The following PGM3 variants were observed in gnomAD, a reference collection of about 807,000 sequenced individuals.
PGM3 encodes phosphoglucomutase 3.
In PGM3, 40 loss-of-function variants were observed where a neutral mutation model predicts 66.2. That is an observed-to-expected ratio of 0.60 (90% CI 0.47 to 0.79). The LOEUF is 0.79. Among genes scored for constraint, PGM3 ranks in the 30% least tolerant of loss-of-function variants. The probability of loss-of-function intolerance (pLI) is 0.00; values close to 1 mark genes in which losing one functional copy is unlikely to be tolerated. For missense variants in PGM3, 537 were observed against 643.4 expected (o/e 0.83, Z 1.79); for synonymous variants, 191 against 224.2 (o/e 0.85, Z 1.32).
intron 4 of PGM3, among the ~76,000 whole-genome samples, chr6:83,183,960 C>T (rs1788388520): frequency 6.6e-6 from 1 of 151,980 alleles, no homozygotes; most frequent in Non-Finnish European, 1.5e-5. Flanking sequence ...AAATGATCCA[C>T]CCACCTCATA....
intron 4 of PGM3, 136 bp from the exon 5 acceptor site, chr6:83,183,114 GA>G (rs1332977266): frequency 1.2e-5 from 9 of 758,348 alleles, no homozygotes; most frequent in African/African-American, 1.8e-5. Context: ...ACATAAAAAT[GA>G]TCTTAAAAAG....
intron 1 of PGM3, chr6:83,191,281 A>T: frequency 6.6e-7 from 1 of 1,519,222 alleles, no homozygotes; most frequent in Non-Finnish European, 8.8e-7. Context: ...TAGCTCCAGG[A>T]CTATCCTGGA....
At chr6:83,153,163 T>C in the PGM3 span, among the ~76,000 whole-genome samples, 3 of 150,544 alleles carry the variant, frequency 2.0e-5, no homozygotes, top group Non-Finnish European at 3.0e-5. Flanking sequence ...TGTTTTTTTT[T>C]CCTAAACTAC....
At chr6:83,183,123 A>T in intron 4 of PGM3, 145 bp from the exon 5 acceptor site, 1 of 729,558 alleles carries the variant, frequency 1.4e-6, no homozygotes, top group Non-Finnish European at 2.2e-6. Context: ...TGATCTTAAA[A>T]AGAAATATAA....
rs763858041 is a variant in PGM3 at position 83,181,843 on chromosome 6, T to C, written c.680A>G (p.Tyr227Cys). Residue 227 changes from tyrosine to cysteine, a missense_variant, in exon 6 of 13, where the codon TAC becomes TGC. Physicochemically the swap from Tyr to Cys is radical, Grantham distance 194 (BLOSUM62 -2). Transcript: ENST00000513973. ...CTGAACTGACAGGCCCTGTGAGAAG[T>C]AGTGTTCCATTTCCCTTAGCTTCAG... ...GALKLREMEHYFSQGLSVQLF... is the reference protein window; with the variant it reads ...GALKLREMEHCFSQGLSVQLF... The C allele has an allele frequency of 6.2e-7, 1 of 1,613,878 alleles. No homozygotes were observed. The highest frequency in any genetic ancestry group is 1.1e-5 in the South Asian group (1 of 91,072).
chr6:83,163,903 T>G (rs539440829), downstream of PGM3, among the ~76,000 whole-genome samples: 300 of 152,124 alleles, frequency 2.0e-3, 1 homozygote, highest in African/African-American at 7.0e-3. Flanking sequence ...AAATATTGTC[T>G]TATATACTTT....
At chr6:83,192,454 G>A (rs530600305) in intron 1 of PGM3, among the ~76,000 whole-genome samples, 1 of 152,160 alleles carries the variant, frequency 6.6e-6, no homozygotes, top group Non-Finnish European at 1.5e-5. Flanking sequence ...CCAGCTGCTA[G>A]CCTCATAATT....
chr6:83,173,559 ACCTCT>A (rs1399339983), intron 10 of PGM3, among the ~76,000 whole-genome samples: 1 of 151,826 alleles, frequency 6.6e-6, no homozygotes, highest in East Asian at 1.9e-4. Context: ...TTACAGTAAC[ACCTCT>A]CCCTGTGTTA....
At chr6:83,155,859 G>A in the PGM3 span, 1 of 1,435,268 alleles carries the variant, frequency 7.0e-7, no homozygotes, top group Non-Finnish European at 9.3e-7. Context: ...TCTCAGTTTT[G>A]GATGTCATAG....
chr6:83,180,903 G>A (rs936057305), intron 6 of PGM3, among the ~76,000 whole-genome samples: 76 of 152,170 alleles, frequency 5.0e-4, no homozygotes, highest in African/African-American at 1.8e-3. Flanking sequence ...TATTTTAGGG[G>A]AGCAGCATCT....
intron 6 of PGM3, among the ~76,000 whole-genome samples, chr6:83,180,995 G>C (rs1231992462): frequency 6.6e-6 from 1 of 152,176 alleles, no homozygotes; most frequent in Non-Finnish European, 1.5e-5. Flanking sequence ...ATATATAAGA[G>C]AAGTCACGGA....
At chr6:83,164,809 A>C (rs1785069285), downstream of PGM3, 1 of 1,037,274 alleles carries the variant, frequency 9.6e-7, no homozygotes. Context: ...AACAAGTACA[A>C]GGGAGGTAAA....
chr6:83,172,222 C>T (rs1787275430), intron 10 of PGM3, among the ~76,000 whole-genome samples, 163 bp from the exon 11 acceptor site: 1 of 152,264 alleles, frequency 6.6e-6, no homozygotes, highest in South Asian at 2.1e-4. Flanking sequence ...CACCTGGCCT[C>T]CTGTGACAGG....
Position 83,166,341 on chromosome 6 carries a change from C to T in PGM3, c.*2893G>A, listed in dbSNP as rs755526363. 1.4e-4 allele frequency: 99 copies of T among 690,508 alleles called. No individual in the cohort carries two copies. Among genetic ancestry groups the T allele is most frequent in the Non-Finnish European group, 2.3e-4 (89 of 380,080 alleles). 42.8% of individuals were successfully genotyped at this position (690,508 alleles called of 1,614,324 possible). A position where few individuals can be genotyped will look rare whatever the true frequency, so the allele number is the denominator to read the frequency against. ...ATTTCCGATGACTGGCCACTGCACT[C>T]CTCATCTTCAAGGCTCTAGTCTCCT... On this transcript the variant is annotated 3_prime_UTR_variant, in exon 13 of 13. Coordinates refer to ENST00000513973, the MANE Select transcript of PGM3 (RefSeq NM_015599.3).
At chr6:83,162,417 T>C (rs1024714452), downstream of PGM3, among the ~76,000 whole-genome samples, 7 of 152,184 alleles carry the variant, frequency 4.6e-5, no homozygotes, top group Admixed American at 1.3e-4. Context: ...CAGACTGTTA[T>C]GTTGCAGTAC....
Position 83,190,824 on chromosome 6 carries a change from C to G in PGM3, c.189G>C (p.Ala63=). 6.2e-7 allele frequency: 1 copy of G among 1,613,512 alleles called. No individual in the cohort carries two copies. Among genetic ancestry groups the G allele is most frequent in the Non-Finnish European group, 8.5e-7 (1 of 1,179,456 alleles). Residue 63 remains alanine, a synonymous_variant, in exon 2 of 13, where the codon GCG becomes GCC. Transcript: ENST00000513973. ...TKSTIGVMVT[A]SHNPEEDNGV... Reference sequence around the variant, plus strand: ...AACCCATTACCTCAGGATTGTGGGACGCTGTTACCATGACTCCTATAGTGG... The same window carrying G: ...AACCCATTACCTCAGGATTGTGGGAGGCTGTTACCATGACTCCTATAGTGG...
intron 1 of PGM3, among the ~76,000 whole-genome samples, chr6:83,192,861 C>G (rs924963644): frequency 5.3e-5 from 8 of 152,188 alleles, no homozygotes; most frequent in African/African-American, 9.7e-5. Flanking sequence ...TCCATTCAAT[C>G]TTCAAATCTC....
the PGM3 span, among the ~76,000 whole-genome samples, chr6:83,151,353 G>T: frequency 1.3e-5 from 2 of 152,034 alleles, no homozygotes; most frequent in Non-Finnish European, 1.5e-5. Flanking sequence ...GCTCTTGCTG[G>T]ACATCTGGGT....
rs1296862413 is a variant in PGM3, at chr6:83,188,717, T to C, written c.286A>G (p.Asn96Asp). 6.2e-7 allele frequency: 1 copy of C among 1,614,160 alleles called. No individual in the cohort carries two copies. Among genetic ancestry groups the C allele is most frequent in the Admixed American group, 1.7e-5 (1 of 60,034 alleles). Residue 96 changes from asparagine to aspartate, a missense_variant, in exon 3 of 13, where the codon AAT becomes GAT. By Grantham distance (23) the Asn-to-Asp change is conservative (BLOSUM62 1). Coordinates refer to ENST00000513973, the MANE Select transcript of PGM3 (RefSeq NM_015599.3). ...CTCTGCATATCTTGTTCCTCAGCATTTGCTAAACAGGTGGCATGTTCCTCC... is the reference window on the plus strand; with the variant it reads ...CTCTGCATATCTTGTTCCTCAGCATCTGCTAAACAGGTGGCATGTTCCTCC... ...SWEEHATCLA[N>D]AEEQDMQRVL... is the part of the protein sequence containing the mutation.
Sources: gnomAD v4.1 joint callset for allele counts (sites outside exome capture counted in the v4.1 genomes callset) on GRCh38, gnomAD v4.1.1 for gene constraint, MANE v1.5 for transcripts, NCBI Gene and HGNC (gene_info 2026-07-23, HGNC 2026-07-21) for gene names.